Variants in CNBD1 observed in about 807,000 individuals in gnomAD.
CNBD1 encodes the protein cyclic nucleotide binding domain containing 1.
CNBD1 carries 71 observed loss-of-function variants against 54.4 expected under a neutral mutation model. The ratio of observed to expected loss-of-function variants is 1.30; its 90% CI spans 1.08 to 1.59. CNBD1 has a LOEUF of 1.59. CNBD1 is among the 40% of genes most tolerant of loss of function. CNBD1 has a pLI of 0.00. For missense variants in CNBD1, 659 were observed against 518.0 expected (o/e 1.27, Z -2.64); for synonymous variants, 182 against 170.7 (o/e 1.07, Z -0.51).
intron 4 of CNBD1, among the ~76,000 whole-genome samples, chr8:87,199,355 G>A (rs1311102072): frequency 6.6e-6 from 1 of 152,110 alleles, no homozygotes; most frequent in Admixed American, 6.5e-5. Context: ...CAAAAGGAAG[G>A]TTCAGTAAGC....
intron 4 of CNBD1, among the ~76,000 whole-genome samples, chr8:86,983,143 T>C (rs984688296): frequency 6.6e-6 from 1 of 152,112 alleles, no homozygotes; most frequent in African/African-American, 2.4e-5. Context: ...GGGGAGGTAA[T>C]TGTATCATGG....
At chr8:86,893,612 C>G (rs1808804730) in intron 2 of CNBD1, among the ~76,000 whole-genome samples, 1 of 152,132 alleles carries the variant, frequency 6.6e-6, no homozygotes, top group East Asian at 1.9e-4. Context: ...CTTTCTTTCT[C>G]TATTTCTATC....
chr8:87,136,046 G>C (rs879474271), intron 4 of CNBD1, among the ~76,000 whole-genome samples: 3 of 151,976 alleles, frequency 2.0e-5, no homozygotes, highest in Non-Finnish European at 4.4e-5. Context: ...ACGTCTTGAT[G>C]GCATAGGTTT....
At position 87,174,194 on chromosome 8, in the gene CNBD1, G is replaced by T. The variant is rs1000848390; in HGVS notation, c.432-31799G>T. On this transcript the variant is annotated intron_variant, in intron 4 of 10. Coordinates refer to ENST00000518476, the MANE Select transcript of CNBD1 (RefSeq NM_173538.3). ...TGGATGGTCTCGATCTCTTGACCTC[G>T]TTATCTGCCCGCCTCGGCCTCCCAA... Among the ~76,000 whole-genome samples the T allele has an allele frequency of 3.3e-5, 5 of 152,060 alleles. 1 individual carries two copies. The South Asian group carries it at 1.0e-3, about 32-fold the overall frequency.
At chr8:87,406,482 T>TACACAC (rs1563589764) in intron 2 of CNBD1, among the ~76,000 whole-genome samples, 249 of 142,968 alleles carry the variant, frequency 1.7e-3, no homozygotes, top group African/African-American at 6.0e-3. Context: ...ACACACACTT[T>TACACAC]TTTTTTTTTT....
downstream of CNBD1, among the ~76,000 whole-genome samples, chr8:87,386,437 A>G (rs1363759221): frequency 6.6e-6 from 1 of 152,222 alleles, no homozygotes; most frequent in East Asian, 1.9e-4. Flanking sequence ...ATGGAGCTGA[A>G]AACCGTGGCA....
intron 4 of CNBD1, among the ~76,000 whole-genome samples, chr8:87,056,485 A>C (rs185684302): frequency 6.6e-6 from 1 of 152,346 alleles, no homozygotes; most frequent in Admixed American, 6.5e-5. Flanking sequence ...CTGTTAGAAT[A>C]AAACATTTCA....
At chr8:86,876,727 GC>G (rs2131774117) in intron 1 of CNBD1, among the ~76,000 whole-genome samples, 1 of 151,774 alleles carries the variant, frequency 6.6e-6, no homozygotes, top group South Asian at 2.1e-4. Flanking sequence ...TTCATGAAAG[GC>G]TTCACTATTT....
Position 87,411,658 on chromosome 8 carries a change from AT to A in CNBD1, c.214-16876del, listed in dbSNP as rs71277944. Among the ~76,000 whole-genome samples, 776 of 144,120 alleles carry A rather than the reference AT, an allele frequency of 5.4e-3. 9 individuals carry two copies. Among genetic ancestry groups the A allele is most frequent in the East Asian group, 0.015 (74 of 4,864 alleles). 94.5% of individuals were successfully genotyped at this position (144,120 alleles called of 152,430 possible). ...TAAGACATGTGTTGGGCTTTTTTAG[AT>A]TTTTTTTTTTTACAACCATTACTAT... On this transcript the variant is annotated intron_variant, in intron 2 of 7. Coordinates refer to the CNBD1 transcript ENST00000521593.
Position 86,945,314 on chromosome 8 carries a change from G to A in CNBD1, c.431+5560G>A, listed in dbSNP as rs147935503. On this transcript the variant is annotated intron_variant, in intron 4 of 10. Transcript: ENST00000518476. ...CCAATTAACGATGTTTCCTTTGAGC[G>A]AATGAGGCATCTGAAGATCATTATG... 1.4e-4 allele frequency among the ~76,000 whole-genome samples: 22 copies of A among 152,228 alleles called. No homozygotes were observed. The East Asian group carries it at 4.1e-3, about 28-fold the overall frequency.
intron 5 of CNBD1, among the ~76,000 whole-genome samples, chr8:87,232,812 A>G (rs879658081): frequency 6.6e-6 from 1 of 152,116 alleles, no homozygotes; most frequent in Non-Finnish European, 1.5e-5. Context: ...AATAATCTGA[A>G]CTATGATGAA....
intron 4 of CNBD1, among the ~76,000 whole-genome samples, chr8:87,092,537 GTGTGTGTATATATATATATACACATA>G (rs1432646158): frequency 8.7e-6 from 1 of 114,912 alleles, no homozygotes; most frequent in African/African-American, 3.7e-5. Flanking sequence ...ATGTATGTAT[GTGTGTGTATATATATATATACACATA>G]TGTGTGTGTG....
intron 8 of CNBD1, among the ~76,000 whole-genome samples, chr8:87,300,271 A>T (rs536641280): frequency 1.3e-5 from 2 of 152,318 alleles, no homozygotes; most frequent in South Asian, 4.1e-4. Context: ...GTGTCCATGT[A>T]TGTAGCCACA....
chr8:87,362,038 G>T (rs1351874933), intron 10 of CNBD1, among the ~76,000 whole-genome samples: 1 of 151,956 alleles, frequency 6.6e-6, no homozygotes, highest in Non-Finnish European at 1.5e-5. Context: ...TCCATGTCCT[G>T]AGATTGAGTC....
chr8:87,293,993 C>T (rs1206149608), intron 8 of CNBD1, among the ~76,000 whole-genome samples: 1 of 152,116 alleles, frequency 6.6e-6, no homozygotes, highest in Non-Finnish European at 1.5e-5. Flanking sequence ...TATTCATATG[C>T]TTGGGCTTTA....
chr8:87,095,529 C>G lies in CNBD1; in HGVS notation c.432-110464C>G, dbSNP rs1163586015. On this transcript the variant is annotated intron_variant, in intron 4 of 10. Coordinates refer to ENST00000518476, the MANE Select transcript of CNBD1 (RefSeq NM_173538.3). ...TACTCATGATTTTGCATCATATTTACTAGAGTATGTGTCTACGTCCTCTTT... is the reference window on the plus strand; with the variant it reads ...TACTCATGATTTTGCATCATATTTAGTAGAGTATGTGTCTACGTCCTCTTT... 2.6e-5 allele frequency among the ~76,000 whole-genome samples: 4 copies of G among 152,368 alleles called. No individual in the cohort carries two copies. The East Asian group carries it at 7.7e-4, about 29-fold the overall frequency.
chr8:86,972,617 G>GAC (rs138402013), intron 4 of CNBD1, among the ~76,000 whole-genome samples: 44 of 151,818 alleles, frequency 2.9e-4, no homozygotes, highest in Middle Eastern at 3.4e-3. Context: ...AAGATACACA[G>GAC]ACACACACAC....
intron 2 of CNBD1, among the ~76,000 whole-genome samples, chr8:86,896,045 C>T (rs1413146220): frequency 4.6e-5 from 7 of 151,802 alleles, no homozygotes; most frequent in Non-Finnish European, 1.0e-4. Flanking sequence ...ATATTTTTCC[C>T]AAGTAGAGGC....
intron 5 of CNBD1, among the ~76,000 whole-genome samples, chr8:87,227,151 G>T (rs1306158120): frequency 6.6e-6 from 1 of 152,114 alleles, no homozygotes; most frequent in Non-Finnish European, 1.5e-5. Context: ...CATGAGATGG[G>T]TTTCCTGAAT....
Sources: gnomAD v4.1 joint callset for allele counts (sites outside exome capture counted in the v4.1 genomes callset) on GRCh38, gnomAD v4.1.1 for gene constraint, MANE v1.5 for transcripts, NCBI Gene and HGNC (gene_info 2026-07-23, HGNC 2026-07-21) for gene names.